Variants in SLC16A4 observed in about 807,000 individuals in gnomAD.
SLC16A4 encodes the protein solute carrier family 16 member 4.
In SLC16A4, 39 loss-of-function variants were observed where a neutral mutation model predicts 47.9. That is an observed-to-expected ratio of 0.81 (90% CI 0.63 to 1.06). The LOEUF (loss-of-function observed/expected upper bound fraction) is 1.06. Ranked by LOEUF, SLC16A4 falls within the 50% of genes least tolerant of loss-of-function variation. The pLI is 0.00. For synonymous variants in SLC16A4, 189 were observed against 199.9 expected (o/e 0.95, Z 0.46); for missense variants, 524 against 573.8 (o/e 0.91, Z 0.89).
intron 8 of SLC16A4, among the ~76,000 whole-genome samples, chr1:110,374,009 A>ATATATATATATATCCT (rs766941005): frequency 3.3e-5 from 5 of 150,356 alleles, no homozygotes; most frequent in Admixed American, 3.3e-4. Flanking sequence ...TCCTTAGTTT[A>ATATATATATATATCCT]TAGTCTCCTT....
chr1:110,386,446 G>A (rs1287107991), intron 2 of SLC16A4, among the ~76,000 whole-genome samples: 2 of 152,186 alleles, frequency 1.3e-5, no homozygotes, highest in South Asian at 2.1e-4. Context: ...CAGAGTCCAC[G>A]TCATACATTG....
At chr1:110,383,522 G>A (rs1662544808) in intron 2 of SLC16A4, among the ~76,000 whole-genome samples, 1 of 152,082 alleles carries the variant, frequency 6.6e-6, no homozygotes, top group Admixed American at 6.5e-5. Flanking sequence ...GGGTGGAGGG[G>A]GACCCACAAC....
chr1:110,382,438 A>G (rs984577225), intron 3 of SLC16A4, among the ~76,000 whole-genome samples: 3 of 152,110 alleles, frequency 2.0e-5, no homozygotes, highest in Non-Finnish European at 2.9e-5. Context: ...CAACCTGGGC[A>G]ACAGAGTGAG....
At chr1:110,388,871 C>CA (rs1276063240) in intron 2 of SLC16A4, among the ~76,000 whole-genome samples, 1 of 152,182 alleles carries the variant, frequency 6.6e-6, no homozygotes, top group Admixed American at 6.5e-5. Context: ...CCACTGCACT[C>CA]AGCTAATTTT....
At chr1:110,380,928 A>G in intron 5 of SLC16A4, 54 bp downstream of exon 5, 1 of 1,512,916 alleles carries the variant, frequency 6.6e-7, no homozygotes, top group South Asian at 1.1e-5. Context: ...AAAGGGAGAA[A>G]GCTGAACGCT....
At chr1:110,380,244 T>C (rs1223784140) in intron 5 of SLC16A4, among the ~76,000 whole-genome samples, 7 of 152,108 alleles carry the variant, frequency 4.6e-5, no homozygotes, top group Non-Finnish European at 1.0e-4. Context: ...TAGAATGGGC[T>C]ATAGGTTCTG....
chr1:110,379,191 T>G lies in SLC16A4; in HGVS notation c.692A>C (p.Glu231Ala). 1 of 1,614,244 alleles carries G rather than the reference T, an allele frequency of 6.2e-7. No homozygotes were observed. Among genetic ancestry groups the G allele is most frequent in the Non-Finnish European group, 8.5e-7 (1 of 1,180,048 alleles). ...EAHATETHCH[E>A]TEESTIKDST... ...GTCCTTGATGGTAGACTCTTCTGTC[T>G]CATGGCAGTGTGTTTCTGTTGCATG... Residue 231 changes from glutamate to alanine, a missense_variant, in exon 6 of 9, where the codon GAG becomes GCG. Glu to Ala is a moderately radical substitution (Grantham distance 107, BLOSUM62 -1). Transcript: ENST00000369779.
chr1:110,383,805 G>GGT (rs1557913543), intron 2 of SLC16A4, among the ~76,000 whole-genome samples: 33 of 65,756 alleles, frequency 5.0e-4, no homozygotes, highest in Middle Eastern at 0.013. Context: ...TTAAAAGGAG[G>GGT]TTTTTTTTTT....
intron 8 of SLC16A4, among the ~76,000 whole-genome samples, chr1:110,368,477 A>T (rs564607520): frequency 6.6e-6 from 1 of 152,340 alleles, no homozygotes; most frequent in East Asian, 1.9e-4. Context: ...ATGCATGTTA[A>T]TAATGCAGAT....
chr1:110,383,763 GAAGT>G (rs1318521323), intron 2 of SLC16A4, among the ~76,000 whole-genome samples: 11 of 135,290 alleles, frequency 8.1e-5, no homozygotes, highest in Admixed American at 1.5e-4. Context: ...AGGCAGGAAG[GAAGT>G]GTTTTTTTTT....
At chr1:110,370,790 A>G (rs1661648618) in intron 8 of SLC16A4, 1 of 152,220 alleles carries the variant, frequency 6.6e-6, no homozygotes, top group African/African-American at 2.4e-5. Flanking sequence ...CTCGTGAAAT[A>G]CCTGCCTTGA....
At chr1:110,365,827 G>A (rs1206149497) in intron 8 of SLC16A4, among the ~76,000 whole-genome samples, 1 of 152,114 alleles carries the variant, frequency 6.6e-6, no homozygotes, top group Non-Finnish European at 1.5e-5. Flanking sequence ...GTAACACCCT[G>A]GGGAAAGACT....
chr1:110,374,771 C>A (rs1165082897), intron 8 of SLC16A4, among the ~76,000 whole-genome samples: 4 of 152,242 alleles, frequency 2.6e-5, no homozygotes, highest in African/African-American at 9.6e-5. Flanking sequence ...AATATCCTCT[C>A]CATAGAGATG....
Position 110,363,501 on chromosome 1 carries a change from C to T in SLC16A4, c.*265G>A. On this transcript the variant is annotated 3_prime_UTR_variant, in exon 9 of 9. Coordinates refer to ENST00000369779, the MANE Select transcript of SLC16A4 (RefSeq NM_004696.3). ...ATTAGCTGGGTGTGGTGGCGTGTGC[C>T]TGTAGTCCCAGCTACTTGGGAGGCT... is the stretch of plus-strand genomic sequence containing the variant. The T allele has an allele frequency of 4.7e-6, 1 of 215,012 alleles. No individual in the cohort carries two copies. Among genetic ancestry groups the T allele is most frequent in the Non-Finnish European group, 9.2e-6 (1 of 108,690 alleles). 13.3% of individuals were successfully genotyped at this position (215,012 alleles called of 1,614,324 possible).
intron 2 of SLC16A4, among the ~76,000 whole-genome samples, chr1:110,387,173 A>C (rs1662776742): frequency 6.6e-6 from 1 of 152,182 alleles, no homozygotes; most frequent in Non-Finnish European, 1.5e-5. Flanking sequence ...CTGAGTGCCT[A>C]CTATGTTCCA....
intron 3 of SLC16A4, 46 bp downstream of exon 3, chr1:110,382,788 T>A: frequency 6.8e-7 from 1 of 1,473,314 alleles, no homozygotes; most frequent in Non-Finnish European, 9.1e-7. Context: ...GAATTGCCCT[T>A]TGTGGTTCTT....
chr1:110,366,180 A>T (rs1420052867), intron 8 of SLC16A4, among the ~76,000 whole-genome samples: 1 of 151,308 alleles, frequency 6.6e-6, no homozygotes, highest in Non-Finnish European at 1.5e-5. Context: ...GTTTTTTGAG[A>T]CAGAGCCTCG....
chr1:110,378,491 T>C (rs1018724735), intron 6 of SLC16A4, among the ~76,000 whole-genome samples: 1 of 152,238 alleles, frequency 6.6e-6, no homozygotes, highest in Non-Finnish European at 1.5e-5. Flanking sequence ...CTTGAGCCAC[T>C]GCACTGTGCT....
chr1:110,366,147 CT>C (rs1661375567), intron 8 of SLC16A4, among the ~76,000 whole-genome samples: 1 of 53,414 alleles, frequency 1.9e-5, no homozygotes, highest in Admixed American at 1.8e-4. Flanking sequence ...TTCTCTCTCT[CT>C]CACTCACTCA....
Sources: gnomAD v4.1 joint callset for allele counts (sites outside exome capture counted in the v4.1 genomes callset) on GRCh38, gnomAD v4.1.1 for gene constraint, MANE v1.5 for transcripts, NCBI Gene and HGNC (gene_info 2026-07-23, HGNC 2026-07-21) for gene names.